The following SCN2A variants were observed in gnomAD, a reference collection of about 807,000 sequenced individuals.
SCN2A encodes the protein sodium voltage-gated channel alpha subunit 2, also known as sodium channel protein type 2 subunit alpha.
In SCN2A, 20 loss-of-function variants were observed where a neutral mutation model predicts 188.7. That is an observed-to-expected ratio of 0.11 (90% CI 0.07 to 0.15). The LOEUF is 0.15. SCN2A is among the 10% of genes least tolerant of loss of function. The pLI, the probability that SCN2A is intolerant of heterozygous loss-of-function variation, is 1.00. For missense variants in SCN2A, 1,278 were observed against 2,445.0 expected (o/e 0.52, Z 10.07); for synonymous variants, 804 against 833.1 (o/e 0.97, Z 0.60).
intron 17 of SCN2A, among the ~76,000 whole-genome samples, chr2:165,357,749 C>T (rs915799780): frequency 7.2e-5 from 11 of 152,192 alleles, no homozygotes; most frequent in African/African-American, 1.9e-4. Context: ...TGACCTTCAC[C>T]GCTTACCATT....
At chr2:165,331,202 C>T in intron 13 of SCN2A, 128 bp from the exon 14 acceptor site, 1 of 765,628 alleles carries the variant, frequency 1.3e-6, no homozygotes, top group South Asian at 1.5e-5. Context: ...TTTCCCTGTT[C>T]CTCCAGCAGA....
chr2:165,251,413 C>T (rs114601284), intron 1 of SCN2A, among the ~76,000 whole-genome samples: 1,622 of 152,190 alleles, frequency 0.011, 25 homozygotes, highest in African/African-American at 0.037. Flanking sequence ...TACAAGTACA[C>T]GTTCAAATAT....
intron 25 of SCN2A, 72 bp downstream of exon 25, chr2:165,381,269 A>G (rs1396832069): frequency 4.4e-5 from 49 of 1,111,264 alleles, no homozygotes; most frequent in Non-Finnish European, 4.9e-5. Flanking sequence ...AATTTCTAGA[A>G]ACTAGTTATT....
At chr2:165,252,396 T>C (rs533913656) in intron 1 of SCN2A, among the ~76,000 whole-genome samples, 13 of 152,184 alleles carry the variant, frequency 8.5e-5, no homozygotes, top group Admixed American at 2.6e-4. Flanking sequence ...TTATCAAGTA[T>C]ATATCATTTA....
At chr2:165,345,547 T>A (rs79405818) in intron 16 of SCN2A, among the ~76,000 whole-genome samples, 2,340 of 152,214 alleles carry the variant, frequency 0.015, 58 homozygotes, top group African/African-American at 0.053. Context: ...AACCCTGCTT[T>A]TTTTTTTTCT....
intron 1 of SCN2A, among the ~76,000 whole-genome samples, chr2:165,257,108 T>C (rs1694363056): frequency 6.6e-6 from 1 of 152,202 alleles, no homozygotes; most frequent in African/African-American, 2.4e-5. Flanking sequence ...TTCCTGAATT[T>C]AGTTGCGTTC....
intron 16 of SCN2A, among the ~76,000 whole-genome samples, chr2:165,351,887 T>TTA (rs1699938361): frequency 6.6e-6 from 1 of 151,346 alleles, no homozygotes; most frequent in Non-Finnish European, 1.5e-5. Flanking sequence ...TTTTTTTTTT[T>TTA]AAAGAATCCA....
chr2:165,272,310 G>A (rs777448255), intron 1 of SCN2A: 15 of 151,818 alleles, frequency 9.9e-5, no homozygotes, highest in Non-Finnish European at 2.1e-4. Flanking sequence ...TTGTAACAAG[G>A]CATGACAATC....
intron 5 of SCN2A, 77 bp downstream of exon 5, chr2:165,308,871 C>T (rs980606760): frequency 6.4e-7 from 1 of 1,552,504 alleles, no homozygotes; most frequent in South Asian, 1.1e-5. Flanking sequence ...TCCTTGGTGG[C>T]TTGCCTTGAC....
chr2:165,333,224 G>T (rs1183806238), intron 14 of SCN2A, among the ~76,000 whole-genome samples: 2 of 151,916 alleles, frequency 1.3e-5, no homozygotes, highest in Non-Finnish European at 2.9e-5. Flanking sequence ...GAAGGAGGAT[G>T]GATTCTAGAA....
chr2:165,322,467 C>A (rs888930722), intron 11 of SCN2A, among the ~76,000 whole-genome samples: 1 of 152,142 alleles, frequency 6.6e-6, no homozygotes, highest in South Asian at 2.1e-4. Context: ...TGTGATCAGC[C>A]TCTTAGTGAA....
At chr2:165,313,508 G>A (rs1697554605) in intron 8 of SCN2A, 112 bp from the exon 9 acceptor site, 10 of 1,203,694 alleles carry the variant, frequency 8.3e-6, no homozygotes, top group East Asian at 7.0e-5. Flanking sequence ...GAGAGAAATC[G>A]GCTTTTTTCT....
At position 165,354,356 on chromosome 2, in the gene SCN2A, C is replaced by T. The variant is rs1700076171; in HGVS notation, c.3084C>T (p.Ala1028=). The T allele has an allele frequency of 6.2e-7, 1 of 1,613,824 alleles. No homozygotes were observed. Residue 1028 remains alanine (A), a synonymous_variant, in exon 17 of 27, where the codon GCC becomes GCT. Transcript: ENST00000375437. The part of the protein sequence containing the change: ...KRKIREFIQK[A]FVRKQKALDE... ...AAATACGTGAATTTATTCAGAAAGC[C>T]TTTGTTAGGAAGCAGAAAGCTTTAG...
rs548429737 is a variant in SCN2A at position 165,378,978 on chromosome 2, A to G, written c.4308+1328A>G. Among the ~76,000 whole-genome samples the G allele has an allele frequency of 1.5e-4, 23 of 151,868 alleles. 1 individual carries two copies. Among genetic ancestry groups the G allele is most frequent in the Admixed American group, 5.3e-4 (8 of 15,208 alleles). ...CAAGTTTTACCAAGGATAAACAGCA[A>G]TAAGAACACTCGTACAATGCTGATA... On this transcript the variant is annotated intron_variant, in intron 23 of 26. Transcript: ENST00000375437.
intron 20 of SCN2A, chr2:165,370,549 C>T (rs999759213): frequency 7.4e-6 from 3 of 402,694 alleles, no homozygotes; most frequent in African/African-American, 2.0e-5. Flanking sequence ...TTTAAAATCT[C>T]AAGTTATGCA....
intron 11 of SCN2A, among the ~76,000 whole-genome samples, chr2:165,318,184 A>C (rs549476338): frequency 1.3e-5 from 2 of 152,264 alleles, no homozygotes; most frequent in Admixed American, 1.3e-4. Flanking sequence ...TGTATTGAAA[A>C]ACTATACAAT....
chr2:165,315,985 G>A (rs911977550), intron 11 of SCN2A, among the ~76,000 whole-genome samples: 2 of 152,140 alleles, frequency 1.3e-5, no homozygotes, highest in African/African-American at 4.8e-5. Context: ...AAAATTTGCG[G>A]TTTTGAGGTT....
chr2:165,356,262 T>C (rs994806911), intron 17 of SCN2A, among the ~76,000 whole-genome samples: 9 of 152,166 alleles, frequency 5.9e-5, no homozygotes, highest in African/African-American at 2.2e-4. Context: ...CCTTCTGTCC[T>C]GGGGCAAAGA....
At chr2:165,363,581 T>C (rs1451481306) in intron 17 of SCN2A, among the ~76,000 whole-genome samples, 1 of 152,110 alleles carries the variant, frequency 6.6e-6, no homozygotes. Flanking sequence ...ATTACGTGTA[T>C]AGAAACATAG....
Sources: allele counts gnomAD v4.1 joint callset (sites outside exome capture counted in the v4.1 genomes callset), GRCh38; gene constraint gnomAD v4.1.1; transcripts MANE v1.5; gene names NCBI Gene and HGNC (gene_info 2026-07-23, HGNC 2026-07-21).